ERLIN2: variants seen among roughly 807,000 people sequenced by gnomAD.
ERLIN2 encodes the protein erlin-2.
Under a neutral mutation model 41.5 loss-of-function variants are expected in ERLIN2, and 22 were observed. That is an observed-to-expected ratio of 0.53 (90% CI 0.38 to 0.76). The LOEUF (loss-of-function observed/expected upper bound fraction) is 0.76, where lower values mean the gene tolerates loss of function less well. ERLIN2 is among the 30% of genes least tolerant of loss of function. The probability of loss-of-function intolerance (pLI) is 0.00; values close to 1 mark genes in which losing one functional copy is unlikely to be tolerated. For synonymous variants in ERLIN2, 149 were observed against 150.9 expected (o/e 0.99, Z 0.09); for missense variants, 247 against 414.3 (o/e 0.60, Z 3.51).
chr8:37,746,220 AT>A lies in ERLIN2; in HGVS notation c.424+1525del, dbSNP rs1163095878. The A allele has an allele frequency of 1.9e-5, 19 of 985,768 alleles. No individual in the cohort carries two copies. In the Admixed American group the frequency reaches 8.6e-4, roughly 45 times the overall value. 61.1% of individuals were successfully genotyped at this position (985,768 alleles called of 1,614,324 possible). A position where few individuals can be genotyped will look rare whatever the true frequency, so the allele number is the denominator to read the frequency against. On this transcript the variant is annotated intron_variant, in intron 6 of 11. Coordinates refer to ENST00000519638, the MANE Select transcript of ERLIN2 (RefSeq NM_007175.8). ...GCCCTTCAACTCAGAAGGTTCTTCT[AT>A]ACTTTCCTTCTCTCAGGACTCTTAT...
rs372839403 is a variant in ERLIN2, at chr8:37,740,393, G to T, written c.136G>T (p.Gly46Cys). Residue 46 changes from glycine (G) to cysteine (C), a missense_variant, in exon 3 of 12, where the codon GGC (glycine) becomes TGC (cysteine). Around this residue, in one of 3 missense-constraint regions of ERLIN2, gnomAD observed 93 missense variants for 139.0 expected, o/e 0.67. Coordinates refer to ENST00000519638, the MANE Select transcript of ERLIN2 (RefSeq NM_007175.8). ...RGGALLTSTS[G>C]PGFHLMLPFI... ...CGGTGCCCTGCTGACTTCGACCAGC[G>T]GCCCTGGTTTCCATCTCATGCTCCC... is the stretch of plus-strand genomic sequence containing the variant. 1.9e-6 allele frequency: 3 copies of T among 1,612,700 alleles called. No homozygotes were observed. Among genetic ancestry groups the T allele is most frequent in the African/African-American group, 2.7e-5 (2 of 74,760 alleles).
At position 37,744,750 on chromosome 8, in the gene ERLIN2, G is replaced by T. The variant is rs576000627; in HGVS notation, c.424+54G>T. 7 of 1,608,438 alleles carry T rather than the reference G, an allele frequency of 4.4e-6. No homozygotes were observed. In the African/African-American group the frequency reaches 8.0e-5, roughly 18 times the overall value. On this transcript the variant is annotated intron_variant, in intron 6 of 11. Coordinates refer to ENST00000519638, the MANE Select transcript of ERLIN2 (RefSeq NM_007175.8). ...GCTTAAGCAGGGTTCCTGGAACCCC[G>T]CGTCTCTCCACTGCCTAAAGCCTGG...
Position 37,749,608 on chromosome 8 carries a change from C to T in ERLIN2, c.474C>T (p.Ser158=). ...TGGCTTTGCAACAGGACCTGACCTCCATGGCCCCTGGGCTGGTCATTCAAG... is the reference window on the plus strand; with the variant it reads ...TGGCTTTGCAACAGGACCTGACCTCTATGGCCCCTGGGCTGGTCATTCAAG... ...LKLALQQDLT[S]MAPGLVIQAV... The change falls in exon 7 of 12, where the codon TCC becomes TCT. Residue 158 remains serine, a synonymous_variant. Coordinates refer to ENST00000519638, the MANE Select transcript of ERLIN2 (RefSeq NM_007175.8). 2.5e-6 allele frequency: 4 copies of T among 1,613,664 alleles called. No individual in the cohort carries two copies. The highest frequency in any genetic ancestry group is 3.4e-6 in the Non-Finnish European group (4 of 1,179,544).
chr8:37,751,575 T>C (rs1803218651), intron 9 of ERLIN2, 51 bp from the exon 10 acceptor site: 1 of 1,501,456 alleles, frequency 6.7e-7, no homozygotes, highest in Non-Finnish European at 9.3e-7. Flanking sequence ...AAGGTGAAAT[T>C]AGTCAAACTC....
intron 6 of ERLIN2, chr8:37,747,516 A>G: frequency 6.2e-7 from 1 of 1,612,442 alleles, no homozygotes; most frequent in South Asian, 1.1e-5. Context: ...CTTCCTCTTC[A>G]TCAATGGTAG....
chr8:37,736,815 A>C lies in ERLIN2; in HGVS notation c.-16+137A>C, dbSNP rs1008888915. ...GGCCCGCTCCTGGAGAGAGACAGAA[A>C]CCCTTTTCTGTCGCGTCCTCTCCTT... On this transcript the variant is annotated intron_variant, in intron 1 of 11. Coordinates refer to ENST00000519638, the MANE Select transcript of ERLIN2 (RefSeq NM_007175.8). The C allele has an allele frequency of 2.1e-5, 21 of 985,624 alleles. No individual in the cohort carries two copies. In the East Asian group the frequency reaches 2.3e-3, roughly 107 times the overall value. 61.1% of individuals were successfully genotyped at this position (985,624 alleles called of 1,614,324 possible).
chr8:37,754,187 C>T lies in ERLIN2; in HGVS notation c.*72C>T. On this transcript the variant is annotated 3_prime_UTR_variant, in exon 12 of 12. Transcript: ENST00000519638. ...TTTTAAGATGAATCAGAATGTTCCT[C>T]CCTCCCCGACTACCTTCTCTGACTG... 9.2e-7 allele frequency: 1 copy of T among 1,086,488 alleles called. No individual in the cohort carries two copies. The highest frequency in any genetic ancestry group is 1.4e-6 in the Non-Finnish European group (1 of 720,020). The allele number at this position is 1,086,488 out of a possible 1,614,324, so 67.3% of individuals were successfully genotyped here.
At chr8:37,746,179 C>T (rs1767855032) in intron 6 of ERLIN2, 1 of 987,970 alleles carries the variant, frequency 1.0e-6, no homozygotes, top group African/African-American at 1.7e-5. Flanking sequence ...AGGAGGAGCT[C>T]ATGTCTCTAG....
At chr8:37,745,867 G>T in intron 6 of ERLIN2, 1 of 1,288,364 alleles carries the variant, frequency 7.8e-7, no homozygotes. Flanking sequence ...CAAACTAATA[G>T]AATTTTATAA....
Position 37,754,492 on chromosome 8 carries a change from C to T in ERLIN2, c.*377C>T, listed in dbSNP as rs1803310188. On this transcript the variant is annotated 3_prime_UTR_variant, in exon 12 of 12. Coordinates refer to ENST00000519638, the MANE Select transcript of ERLIN2 (RefSeq NM_007175.8). The stretch of plus-strand genomic sequence containing the variant: ...TTCCCTTACTTGGGAAAATGCAGTC[C>T]AGTGTTCTCACCTCTGCCTCCAAGG... The T allele has an allele frequency of 2.7e-5, 9 of 330,046 alleles. 1 individual carries two copies. Among genetic ancestry groups the T allele is most frequent in the South Asian group, 2.3e-4 (9 of 38,476 alleles). The allele number at this position is 330,046 out of a possible 1,614,324, so 20.4% of individuals were successfully genotyped here. A position where few individuals can be genotyped will look rare whatever the true frequency, so the allele number is the denominator to read the frequency against.
chr8:37,750,365 A>G (rs757045217), intron 8 of ERLIN2, 30 bp from the exon 9 acceptor site: 1 of 1,574,426 alleles, frequency 6.4e-7, no homozygotes, highest in Non-Finnish European at 8.7e-7. Context: ...AGTTTTCCAT[A>G]GCTGCCTCAC....
At chr8:37,748,044 AG>A in intron 6 of ERLIN2, 1 of 1,557,376 alleles carries the variant, frequency 6.4e-7, no homozygotes, top group Non-Finnish European at 8.9e-7. Flanking sequence ...CGCAAAGAAG[AG>A]GGTCGCGCCG....
At chr8:37,743,003 G>A (rs1265927345) in intron 4 of ERLIN2, among the ~76,000 whole-genome samples, 2 of 152,162 alleles carry the variant, frequency 1.3e-5, no homozygotes, top group African/African-American at 4.8e-5. Flanking sequence ...GGTCCCACTG[G>A]AAAGCAAAGA....
chr8:37,751,777 T>C, intron 10 of ERLIN2, 62 bp downstream of exon 10: 1 of 1,277,190 alleles, frequency 7.8e-7, no homozygotes, highest in East Asian at 2.3e-5. Context: ...GCCAGTGGGT[T>C]GGGGAGCCAT....
chr8:37,738,067 T>G, intron 2 of ERLIN2, 38 bp downstream of exon 2: 1 of 1,611,540 alleles, frequency 6.2e-7, no homozygotes, highest in Non-Finnish European at 8.5e-7. Flanking sequence ...AACTTCCTGT[T>G]AAATAGCTCC....
At position 37,745,144 on chromosome 8, in the gene ERLIN2, C is replaced by A. The variant is rs1410955940; in HGVS notation, c.424+448C>A. 2.2e-5 allele frequency: 11 copies of A among 496,452 alleles called. No homozygotes were observed. In the East Asian group the frequency reaches 3.3e-4, roughly 15 times the overall value. The allele number at this position is 496,452 out of a possible 1,614,324, so 30.8% of individuals were successfully genotyped here. A position where few individuals can be genotyped will look rare whatever the true frequency, so the allele number is the denominator to read the frequency against. On this transcript the variant is annotated intron_variant, in intron 6 of 11. Coordinates refer to ENST00000519638, the MANE Select transcript of ERLIN2 (RefSeq NM_007175.8). ...ATTAGTAGTGGGGCTGAAACAGGAG[C>A]CTTCCTCTCCTGGCTCTTCAGCATT...
In ERLIN2 at chr8:37,746,861, C is replaced by T. The variant is rs552965120; in HGVS notation, c.424+2165C>T. Among the ~76,000 whole-genome samples, 5 of 152,310 alleles carry T rather than the reference C, an allele frequency of 3.3e-5. No homozygotes were observed. The East Asian group carries it at 9.6e-4, about 29-fold the overall frequency. ...AGAAAGATTCAAACCACAACCAATTCCAAGAACCCTTCTAAGAACAGAGAC... is the reference window on the plus strand; with the variant it reads ...AGAAAGATTCAAACCACAACCAATTTCAAGAACCCTTCTAAGAACAGAGAC... On this transcript the variant is annotated intron_variant, in intron 6 of 11. Transcript: ENST00000519638.
At chr8:37,744,439 C>T in intron 5 of ERLIN2, 23 bp downstream of exon 5, 1 of 1,612,438 alleles carries the variant, frequency 6.2e-7, no homozygotes, top group Non-Finnish European at 8.5e-7. Context: ...AGTTTATTCC[C>T]ACCACCAGCT....
At position 37,757,238 on chromosome 8, in the gene ERLIN2, G is replaced by A. The variant is rs1298251813; in HGVS notation, c.*3123G>A. 6.6e-6 allele frequency: 1 copy of A among 152,142 alleles called. No homozygotes were observed. Among genetic ancestry groups the A allele is most frequent in the African/African-American group, 2.4e-5 (1 of 41,436 alleles). The allele number at this position is 152,142 out of a possible 1,614,324, so 9.4% of individuals were successfully genotyped here. ...ACTTTATCTATTTAAGTTTGATGGAGATAAACTATATCTTGGCTAGTGGCT... is the reference window on the plus strand; with the variant it reads ...ACTTTATCTATTTAAGTTTGATGGAAATAAACTATATCTTGGCTAGTGGCT... On this transcript the variant is annotated 3_prime_UTR_variant, in exon 12 of 12. Coordinates refer to ENST00000519638, the MANE Select transcript of ERLIN2 (RefSeq NM_007175.8).
Sources: gnomAD v4.1 joint callset for allele counts (sites outside exome capture counted in the v4.1 genomes callset) on GRCh38, gnomAD v4.1.1 for gene constraint, gnomAD v4.1.1 regional missense constraint, MANE v1.5 for transcripts, NCBI Gene and HGNC (gene_info 2026-07-23, HGNC 2026-07-21) for gene names.